Variants in ZRANB1 observed in about 807,000 individuals in gnomAD.
ZRANB1 encodes zinc finger RANBP2-type containing 1.
In ZRANB1, 16 loss-of-function variants were observed where a neutral mutation model predicts 80.5. The observed-to-expected ratio is 0.20, with a 90% CI of 0.13 to 0.30. The LOEUF (loss-of-function observed/expected upper bound fraction) is 0.30. ZRANB1 is among the 10% of genes least tolerant of loss of function. The pLI, the probability that ZRANB1 is intolerant of heterozygous loss-of-function variation, is 1.00. For synonymous variants in ZRANB1, 291 were observed against 293.1 expected (o/e 0.99, Z 0.07); for missense variants, 576 against 862.6 (o/e 0.67, Z 4.16).
the ZRANB1 span, among the ~76,000 whole-genome samples, chr10:124,921,975 A>T: frequency 4.7e-4 from 72 of 151,692 alleles, 1 homozygote; most frequent in South Asian, 5.4e-3. Context: ...ATTAAAAAAA[A>T]TTTTTTTTGA....
upstream of ZRANB1, among the ~76,000 whole-genome samples, chr10:124,938,401 C>G (rs1338929744): frequency 6.6e-6 from 1 of 151,776 alleles, no homozygotes. Flanking sequence ...TCATGGCTCA[C>G]TGCAGCCTCA....
At chr10:124,931,522 C>A in the ZRANB1 span, among the ~76,000 whole-genome samples, 1 of 152,090 alleles carries the variant, frequency 6.6e-6, no homozygotes, top group Non-Finnish European at 1.5e-5. Context: ...AGGTGCCCAC[C>A]ACGACTCCCG....
chr10:124,948,313 G>T (rs1268011287), intron 1 of ZRANB1, among the ~76,000 whole-genome samples: 1 of 151,952 alleles, frequency 6.6e-6, no homozygotes, highest in Non-Finnish European at 1.5e-5. Context: ...ATATGTGTTC[G>T]ACTGTTTATG....
chr10:124,961,591 A>C (rs1016826583), intron 1 of ZRANB1, among the ~76,000 whole-genome samples: 6 of 152,216 alleles, frequency 3.9e-5, no homozygotes, highest in African/African-American at 1.4e-4. Flanking sequence ...TATTTTCACA[A>C]GAGTGGGTTG....
chr10:124,945,988 C>T (rs1951578758), intron 1 of ZRANB1: 1 of 152,034 alleles, frequency 6.6e-6, no homozygotes, highest in African/African-American at 2.4e-5. Context: ...GGGGTTTTAC[C>T]TTGTTACCCA....
chr10:124,948,193 A>G (rs952626648), intron 1 of ZRANB1, among the ~76,000 whole-genome samples: 1 of 152,172 alleles, frequency 6.6e-6, no homozygotes, highest in East Asian at 1.9e-4. Context: ...ATGATGAGCC[A>G]CTTTGACTTA....
chr10:124,943,282 T>G lies in ZRANB1; in HGVS notation c.789T>G (p.Asp263Glu). ...KQIKNRMKKT[D>E]WLFLNACVGV... ...TTAAAAACAGGATGAAAAAGACTGA[T>G]TGGCTCTTCCTCAATGCTTGTGTGG... The change falls in exon 1 of 9, where the codon GAT becomes GAG. Residue 263 changes from aspartate (D) to glutamate (E), a missense_variant. Coordinates refer to ENST00000359653, the MANE Select transcript of ZRANB1 (RefSeq NM_017580.3). 1 of 1,613,810 alleles carries G rather than the reference T, an allele frequency of 6.2e-7. No homozygotes were observed. Among genetic ancestry groups the G allele is most frequent in the Non-Finnish European group, 8.5e-7 (1 of 1,179,838 alleles).
At chr10:124,922,430 A>G in the ZRANB1 span, among the ~76,000 whole-genome samples, 5 of 149,260 alleles carry the variant, frequency 3.3e-5, no homozygotes, top group African/African-American at 5.0e-5. Context: ...GGCTCAAGCT[A>G]TCCTCTCACT....
At position 124,967,592 on chromosome 10, in the gene ZRANB1, A is replaced by T. The variant is rs142769884; in HGVS notation, c.1002+811A>T. ...TTGTGTTTTGGCTGCTGCACACTGG[A>T]GAGGGGTGAGCCTGGTTAGGAGGGA... On this transcript the variant is annotated intron_variant, in intron 2 of 8. Coordinates refer to ENST00000359653, the MANE Select transcript of ZRANB1 (RefSeq NM_017580.3). Among the ~76,000 whole-genome samples, 875 of 152,230 alleles carry T rather than the reference A, an allele frequency of 5.7e-3. 7 individuals carry two copies. The highest frequency in any genetic ancestry group is 0.02 in the African/African-American group (823 of 41,532).
At chr10:124,981,944 C>T (rs1951937729) in intron 6 of ZRANB1, 115 bp downstream of exon 6, 4 of 1,313,360 alleles carry the variant, frequency 3.0e-6, no homozygotes, top group South Asian at 1.3e-5. Flanking sequence ...GAATGCTTGA[C>T]GTGGTATCAT....
the ZRANB1 span, among the ~76,000 whole-genome samples, chr10:124,932,984 G>T: frequency 6.6e-6 from 1 of 152,230 alleles, no homozygotes; most frequent in South Asian, 2.1e-4. Context: ...TGAGTTTTAA[G>T]AGTTCTTCGT....
intron 1 of ZRANB1, among the ~76,000 whole-genome samples, chr10:124,952,614 C>CTT (rs548261343): frequency 6.8e-5 from 10 of 148,094 alleles, no homozygotes; most frequent in Admixed American, 2.0e-4. Flanking sequence ...CAAATAATAT[C>CTT]TTTTTTTTTT....
At chr10:124,943,953 T>C (rs552351848) in intron 1 of ZRANB1, among the ~76,000 whole-genome samples, 173 of 152,308 alleles carry the variant, frequency 1.1e-3, no homozygotes, top group Non-Finnish European at 2.1e-3. Context: ...AAAATACTGG[T>C]GTTAATTTAA....
the ZRANB1 span, among the ~76,000 whole-genome samples, chr10:124,929,012 T>G: frequency 6.6e-6 from 1 of 152,110 alleles, no homozygotes; most frequent in Non-Finnish European, 1.5e-5. Flanking sequence ...GCTGGGGAGT[T>G]TTAATTTTAT....
At chr10:124,925,648 A>C in the ZRANB1 span, among the ~76,000 whole-genome samples, 1 of 152,132 alleles carries the variant, frequency 6.6e-6, no homozygotes, top group Non-Finnish European at 1.5e-5. Context: ...ACCCAGGGTC[A>C]TGACAATTTA....
At position 124,985,319 on chromosome 10, in the gene ZRANB1, C is replaced by G; in HGVS notation, c.*327C>G. The stretch of plus-strand genomic sequence containing the variant: ...TGTTTAATAGGAAAAGTTGTACCAG[C>G]ATCTTCATATTATTGAGAAAATTTT... On this transcript the variant is annotated 3_prime_UTR_variant, in exon 9 of 9. Coordinates refer to ENST00000359653, the MANE Select transcript of ZRANB1 (RefSeq NM_017580.3). 5.0e-6 allele frequency: 1 copy of G among 201,028 alleles called. No individual in the cohort carries two copies. Among genetic ancestry groups the G allele is most frequent in the Non-Finnish European group, 1.0e-5 (1 of 100,288 alleles). The allele number at this position is 201,028 out of a possible 1,614,324, so 12.5% of individuals were successfully genotyped here. A position where few individuals can be genotyped will look rare whatever the true frequency, so the allele number is the denominator to read the frequency against.
At chr10:124,978,059 T>C (rs1286448180) in intron 5 of ZRANB1, among the ~76,000 whole-genome samples, 1 of 152,092 alleles carries the variant, frequency 6.6e-6, no homozygotes, top group East Asian at 1.9e-4. Context: ...CCTTACAGTA[T>C]TGGGGGGTGG....
At position 124,981,706 on chromosome 10, in the gene ZRANB1, T is replaced by A; in HGVS notation, c.1428-3T>A. On this transcript the variant is annotated splice_region_variant and splice_polypyrimidine_tract_variant and intron_variant, in intron 5 of 8. Coordinates refer to ENST00000359653, the MANE Select transcript of ZRANB1 (RefSeq NM_017580.3). ...TTATTTTTTTACTATCCTGCTTTTT[T>A]AGGTTTTACACACGCTGGAAAGATT... The A allele has an allele frequency of 6.3e-7, 1 of 1,596,418 alleles. No homozygotes were observed. The highest frequency in any genetic ancestry group is 8.5e-7 in the Non-Finnish European group (1 of 1,175,852).
the ZRANB1 span, among the ~76,000 whole-genome samples, chr10:124,925,087 T>C: frequency 6.6e-6 from 1 of 152,078 alleles, no homozygotes; most frequent in Non-Finnish European, 1.5e-5. Flanking sequence ...TTTGTATTTT[T>C]TTAGTAGAGA....
Sources: gnomAD v4.1 joint callset for allele counts (sites outside exome capture counted in the v4.1 genomes callset) on GRCh38, gnomAD v4.1.1 for gene constraint, MANE v1.5 for transcripts, NCBI Gene and HGNC (gene_info 2026-07-23, HGNC 2026-07-21) for gene names.